The following NCEH1 variants were observed in gnomAD, a reference collection of about 807,000 sequenced individuals.
NCEH1 encodes the protein neutral cholesterol ester hydrolase 1, also known as 2-acetyl MAGE hydrolase.
A neutral mutation model predicts 25.4 loss-of-function variants in NCEH1; 9 were observed. The observed-to-expected ratio is 0.35, with a 90% CI of 0.21 to 0.62. The LOEUF is 0.62. NCEH1 is among the 20% of genes least tolerant of loss of function. The pLI, the probability that NCEH1 is intolerant of heterozygous loss-of-function variation, is 0.72. For synonymous variants in NCEH1, 200 were observed against 199.8 expected, an observed-to-expected ratio of 1.00 and a Z score of -0.01; for missense variants, 412 against 501.1, an observed-to-expected ratio of 0.82 and a Z score of 1.70.
intron 1 of NCEH1, among the ~76,000 whole-genome samples, chr3:172,659,575 A>G (rs1485167093): frequency 2.6e-5 from 4 of 152,064 alleles, no homozygotes; most frequent in Admixed American, 2.6e-4. Context: ...CAGGCAAAAA[A>G]CCTGTGTCTG....
In NCEH1 at chr3:172,633,879, C is replaced by T; in HGVS notation, c.823G>A (p.Asp275Asn). ...CTGACAGCAGCAGCCTCTTCCACAT[C>T]AAGTGAAGTGTGATTGTTAACGATC... The part of the protein sequence containing the change: ...AMIVNNHTSL[D>N]VEEAAAVRAR... Residue 275 changes from aspartate (D) to asparagine (N), a missense_variant, in exon 5 of 5, where the codon GAT becomes AAT. Transcript: ENST00000475381. 6.2e-7 allele frequency: 1 copy of T among 1,614,220 alleles called. No homozygotes were observed. The highest frequency in any genetic ancestry group is 1.1e-5 in the South Asian group (1 of 91,084).
chr3:172,646,811 C>A (rs1222905439), intron 2 of NCEH1, among the ~76,000 whole-genome samples: 5 of 152,184 alleles, frequency 3.3e-5, no homozygotes, highest in East Asian at 1.9e-4. Context: ...TTTTTCCTGG[C>A]AAGCGTCCAA....
intron 3 of NCEH1, among the ~76,000 whole-genome samples, chr3:172,636,940 T>TAA (rs1312691403): frequency 2.0e-5 from 3 of 152,240 alleles, no homozygotes; most frequent in Admixed American, 2.0e-4. Flanking sequence ...ACTCATCCTT[T>TAA]AAGCCTTAAC....
chr3:172,704,162 C>A (rs1252592086), intron 1 of NCEH1, among the ~76,000 whole-genome samples: 1 of 152,192 alleles, frequency 6.6e-6, no homozygotes, highest in Non-Finnish European at 1.5e-5. Context: ...CACACCCACA[C>A]AGCCCAAAAG....
chr3:172,697,027 G>A (rs1226930440), intron 1 of NCEH1, among the ~76,000 whole-genome samples: 3 of 151,974 alleles, frequency 2.0e-5, no homozygotes, highest in African/African-American at 7.3e-5. Flanking sequence ...CTGGGTTCAA[G>A]CGATTCTCAT....
chr3:172,658,937 A>G (rs982373108), intron 1 of NCEH1, among the ~76,000 whole-genome samples: 10 of 140,990 alleles, frequency 7.1e-5, no homozygotes, highest in African/African-American at 2.7e-4. Flanking sequence ...AAATCCTCCT[A>G]TAGTCTACAG....
At chr3:172,677,923 A>G (rs3850177) in intron 1 of NCEH1, among the ~76,000 whole-genome samples, 122,566 of 152,254 alleles carry the variant, frequency 0.81, 50,142 homozygotes, top group East Asian at 1. Context: ...GCGAGACTCC[A>G]TCTCAAAAAA....
At chr3:172,703,269 A>C (rs481645) in intron 1 of NCEH1, 60,298 of 151,706 alleles carry the variant, frequency 0.4, 12,354 homozygotes, top group African/African-American at 0.46. Context: ...TCACCCCTGT[A>C]ATCCCAGCAC....
At chr3:172,694,970 G>A (rs1007700639) in intron 1 of NCEH1, among the ~76,000 whole-genome samples, 2 of 152,074 alleles carry the variant, frequency 1.3e-5, no homozygotes, top group Non-Finnish European at 2.9e-5. Context: ...AGCTCCAGGA[G>A]GACCAAGTGC....
At chr3:172,678,269 A>G (rs1467122833) in intron 1 of NCEH1, among the ~76,000 whole-genome samples, 1 of 152,194 alleles carries the variant, frequency 6.6e-6, no homozygotes, top group African/African-American at 2.4e-5. Flanking sequence ...AGCCTTTACA[A>G]TAAGGACAAT....
At chr3:172,663,568 G>A (rs1266585062) in intron 1 of NCEH1, among the ~76,000 whole-genome samples, 1 of 152,136 alleles carries the variant, frequency 6.6e-6, no homozygotes, top group African/African-American at 2.4e-5. Flanking sequence ...GGGTGTTAAA[G>A]TCTCCCAATA....
rs947961273 is a variant in NCEH1, at chr3:172,632,422, T to G, written c.*1053A>C. On this transcript the variant is annotated 3_prime_UTR_variant, in exon 5 of 5. Transcript: ENST00000475381. ...TAAGTCTAGCTATGTATATTAACAT[T>G]AAATAACTTAAAAAAATAAACAATA... 6 of 152,486 alleles carry G rather than the reference T, an allele frequency of 3.9e-5. No homozygotes were observed. Among genetic ancestry groups the G allele is most frequent in the Admixed American group, 3.9e-4 (6 of 15,276 alleles). 9.4% of individuals were successfully genotyped at this position (152,486 alleles called of 1,614,324 possible).
chr3:172,710,754 G>A (rs1714253696), intron 1 of NCEH1, 93 bp downstream of exon 1: 5 of 1,449,442 alleles, frequency 3.4e-6, no homozygotes, highest in Non-Finnish European at 4.7e-6. Flanking sequence ...GGAAAAACCT[G>A]CGTTTTCGTG....
chr3:172,680,079 G>A (rs190146750), intron 1 of NCEH1, among the ~76,000 whole-genome samples: 33 of 152,262 alleles, frequency 2.2e-4, no homozygotes, highest in Admixed American at 7.9e-4. Flanking sequence ...CCCTAACTCC[G>A]CGTACTGAGT....
In NCEH1 at chr3:172,710,901, GGACACGGAGCCAGGCAGCGGGATGTA is replaced by G. The variant is rs1015410407; in HGVS notation, c.58_83del (p.Tyr20ArgfsTer20). The stretch of plus-strand genomic sequence containing the variant: ...CCAGCAGCATCAGCTTCCAGGGGTC[GGACACGGAGCCAGGCAGCGGGATGTA>G]GACGTAATAGGCGGCCAGCGCCACC... On this transcript the variant is annotated frameshift_variant, in exon 1 of 5. Transcript: ENST00000475381. LOFTEE classifies it high-confidence loss of function. 27 of 1,614,016 alleles carry G rather than the reference GGACACGGAGCCAGGCAGCGGGATGTA, an allele frequency of 1.7e-5. No individual in the cohort carries two copies. Among genetic ancestry groups the G allele is most frequent in the Non-Finnish European group, 2.1e-5 (25 of 1,180,026 alleles).
intron 1 of NCEH1, among the ~76,000 whole-genome samples, chr3:172,660,926 T>C (rs1011976406): frequency 6.6e-6 from 1 of 152,256 alleles, no homozygotes; most frequent in African/African-American, 2.4e-5. Context: ...GTAGGCTGCC[T>C]GTTCACTTTG....
In NCEH1 at chr3:172,704,009, A is replaced by G. The variant is rs566957461; in HGVS notation, c.138+6838T>C. Among the ~76,000 whole-genome samples, 8 of 152,370 alleles carry G rather than the reference A, an allele frequency of 5.3e-5. No homozygotes were observed. The South Asian group carries it at 1.7e-3, about 32-fold the overall frequency. On this transcript the variant is annotated intron_variant, in intron 1 of 4. Transcript: ENST00000475381. Reference sequence around the variant, plus strand: ...TGCATGAAGAAATACGCATCATCATAATTTCTGGACAATCATTATTTACTG... The same window carrying G: ...TGCATGAAGAAATACGCATCATCATGATTTCTGGACAATCATTATTTACTG...
At chr3:172,664,441 G>A (rs566124295) in intron 1 of NCEH1, among the ~76,000 whole-genome samples, 1 of 152,022 alleles carries the variant, frequency 6.6e-6, no homozygotes, top group South Asian at 2.1e-4. Context: ...ATGTGTCTTG[G>A]GGTTGCTCTT....
At chr3:172,684,202 A>G (rs1375039649) in intron 1 of NCEH1, among the ~76,000 whole-genome samples, 1 of 152,234 alleles carries the variant, frequency 6.6e-6, no homozygotes, top group South Asian at 2.1e-4. Flanking sequence ...TGTTCAACAC[A>G]TGCTTGTGGA....
Sources: gnomAD v4.1 joint callset for allele counts (sites outside exome capture counted in the v4.1 genomes callset) on GRCh38, gnomAD v4.1.1 for gene constraint, MANE v1.5 for transcripts, NCBI Gene and HGNC (gene_info 2026-07-23, HGNC 2026-07-21) for gene names.